The following THSD7B variants were observed in gnomAD, a reference collection of about 807,000 sequenced individuals.
THSD7B encodes the protein thrombospondin type 1 domain containing 7B.
Under a neutral mutation model 213.6 loss-of-function variants are expected in THSD7B, and 138 were observed. The observed-to-expected ratio is 0.65, with a 90% confidence interval of 0.56 to 0.74. The LOEUF (loss-of-function observed/expected upper bound fraction) is 0.74, where lower values mean the gene tolerates loss of function less well. THSD7B is among the 30% of genes least tolerant of loss of function. The probability of loss-of-function intolerance (pLI) is 0.00; values close to 1 mark genes in which losing one functional copy is unlikely to be tolerated. For synonymous variants in THSD7B, 742 were observed against 687.0 expected (o/e 1.08, Z -1.25); for missense variants, 1,931 against 1,991.5 (o/e 0.97, Z 0.58).
chr2:136,891,309 CA>C (rs1683854379), intron 2 of THSD7B, among the ~76,000 whole-genome samples: 1 of 152,142 alleles, frequency 6.6e-6, no homozygotes, highest in South Asian at 2.1e-4. Context: ...TAGTGTTTCA[CA>C]TTATTAAAAG....
intron 15 of THSD7B, among the ~76,000 whole-genome samples, chr2:137,518,603 A>T (rs1397081650): frequency 1.3e-5 from 2 of 152,160 alleles, no homozygotes; most frequent in Non-Finnish European, 2.9e-5. Context: ...CCAACGGGTG[A>T]CCTCAGCAAA....
intron 12 of THSD7B, among the ~76,000 whole-genome samples, chr2:137,375,339 A>C (rs1447050098): frequency 6.6e-6 from 1 of 152,178 alleles, no homozygotes; most frequent in African/African-American, 2.4e-5. Context: ...CATCACTTTA[A>C]GCAAATTCAG....
chr2:137,272,760 G>C (rs1326901341), intron 11 of THSD7B, 98 bp downstream of exon 11: 2 of 1,273,998 alleles, frequency 1.6e-6, no homozygotes, highest in South Asian at 1.4e-5. Context: ...AAATAAGTAA[G>C]AGGGGATCTG....
Position 137,389,606 on chromosome 2 carries a change from G to T in THSD7B, c.2501-16007G>T, listed in dbSNP as rs79868387. ...CCATTTGTTTATTTTCATTTTTCTT[G>T]TTCATGTTTTTGAGGTCTTACCTAT... On this transcript the variant is annotated intron_variant, in intron 12 of 27. Coordinates refer to ENST00000409968, the MANE Select transcript of THSD7B (RefSeq NM_001316349.2). 8.0e-5 allele frequency among the ~76,000 whole-genome samples: 12 copies of T among 150,386 alleles called. No individual in the cohort carries two copies. The South Asian group carries it at 2.5e-3, about 32-fold the overall frequency.
chr2:136,794,680 G>A (rs963103794), intron 1 of THSD7B, among the ~76,000 whole-genome samples: 12 of 151,974 alleles, frequency 7.9e-5, no homozygotes, highest in South Asian at 4.1e-4. Flanking sequence ...GTTGAGTATC[G>A]TTTTATACAT....
chr2:136,908,091 T>G (rs919104630), intron 2 of THSD7B, among the ~76,000 whole-genome samples: 1 of 152,208 alleles, frequency 6.6e-6, no homozygotes, highest in East Asian at 1.9e-4. Context: ...AACACTTCAT[T>G]TTTTTAATAG....
At chr2:137,557,939 A>C (rs576987291) in intron 15 of THSD7B, among the ~76,000 whole-genome samples, 1 of 152,330 alleles carries the variant, frequency 6.6e-6, no homozygotes, top group South Asian at 2.1e-4. Context: ...AAACACCTCT[A>C]TGCAAATAAA....
chr2:137,279,468 G>T (rs1162739826), intron 12 of THSD7B, among the ~76,000 whole-genome samples: 1 of 152,080 alleles, frequency 6.6e-6, no homozygotes, highest in Non-Finnish European at 1.5e-5. Flanking sequence ...GTTTGAACCT[G>T]GGAGGCTGAG....
chr2:137,153,758 G>A (rs1318542384), intron 5 of THSD7B, among the ~76,000 whole-genome samples: 1 of 152,150 alleles, frequency 6.6e-6, no homozygotes, highest in African/African-American at 2.4e-5. Context: ...TATTTTAGCA[G>A]GAGGTAGATT....
intron 2 of THSD7B, among the ~76,000 whole-genome samples, chr2:136,927,095 CTA>C (rs1380688130): frequency 2.6e-5 from 4 of 151,900 alleles, no homozygotes; most frequent in African/African-American, 9.7e-5. Flanking sequence ...TATGCCTCAG[CTA>C]TATATTCTGT....
chr2:136,826,596 A>G (rs915182173), intron 1 of THSD7B, among the ~76,000 whole-genome samples: 1 of 152,152 alleles, frequency 6.6e-6, no homozygotes, highest in Admixed American at 6.5e-5. Context: ...TCTGGAAGGC[A>G]TGGGGAGCCT....
chr2:136,904,562 C>CA (rs1684123141), intron 2 of THSD7B, among the ~76,000 whole-genome samples: 1 of 132,590 alleles, frequency 7.5e-6, no homozygotes, highest in Non-Finnish European at 1.8e-5. Flanking sequence ...GGATTGGAAA[C>CA]AAAGTGCTTG....
At chr2:137,630,767 G>A (rs921083238) in intron 20 of THSD7B, among the ~76,000 whole-genome samples, 2 of 152,096 alleles carry the variant, frequency 1.3e-5, no homozygotes, top group Non-Finnish European at 2.9e-5. Context: ...TTCTCTTTTC[G>A]AACGGGTTGT....
At chr2:137,017,475 A>G (rs1686363647) in intron 2 of THSD7B, among the ~76,000 whole-genome samples, 1 of 152,062 alleles carries the variant, frequency 6.6e-6, no homozygotes, top group South Asian at 2.1e-4. Context: ...AAGAGGGCGG[A>G]GCTTGGGAGT....
chr2:137,238,461 G>A (rs1189235185), intron 9 of THSD7B, among the ~76,000 whole-genome samples: 1 of 143,504 alleles, frequency 7.0e-6, no homozygotes, highest in Non-Finnish European at 1.5e-5. Flanking sequence ...CTTAACTAAA[G>A]TATGATATAA....
At chr2:137,422,525 C>G (rs1686952039) in intron 14 of THSD7B, among the ~76,000 whole-genome samples, 1 of 152,136 alleles carries the variant, frequency 6.6e-6, no homozygotes, top group South Asian at 2.1e-4. Flanking sequence ...CTGGAAAGAT[C>G]CATTGGGAAT....
Position 136,781,314 on chromosome 2 carries a change from G to A in THSD7B, c.-36+15627G>A, listed in dbSNP as rs546672516. On this transcript the variant is annotated intron_variant, in intron 1 of 27. Transcript: ENST00000409968. Reference sequence around the variant, plus strand: ...TGGAGTCACTGTGTCACCCAGGCTGGAATGCAATGGCCTGATCTCGGCTCA... The same window carrying A: ...TGGAGTCACTGTGTCACCCAGGCTGAAATGCAATGGCCTGATCTCGGCTCA... 4.1e-5 allele frequency among the ~76,000 whole-genome samples: 6 copies of A among 148,056 alleles called. No individual in the cohort carries two copies. In the South Asian group the frequency reaches 1.1e-3, roughly 27 times the overall value.
intron 10 of THSD7B, among the ~76,000 whole-genome samples, chr2:137,269,788 T>G (rs775759365): frequency 6.6e-6 from 1 of 152,210 alleles, no homozygotes; most frequent in Non-Finnish European, 1.5e-5. Context: ...TCTTTTTCTT[T>G]TTAAGCATCT....
At chr2:136,923,503 T>C (rs1015091836) in intron 2 of THSD7B, among the ~76,000 whole-genome samples, 3 of 152,180 alleles carry the variant, frequency 2.0e-5, no homozygotes, top group Admixed American at 6.5e-5. Context: ...ATATGGTAAT[T>C]CTGCTTTTAA....
Sources: gnomAD v4.1 joint callset for allele counts (sites outside exome capture counted in the v4.1 genomes callset) on GRCh38, gnomAD v4.1.1 for gene constraint, MANE v1.5 for transcripts, NCBI Gene and HGNC (gene_info 2026-07-23, HGNC 2026-07-21) for gene names.